Variants in IHO1 observed in about 807,000 individuals in gnomAD.
The protein encoded by IHO1 is interactor of HORMAD1 protein 1.
In IHO1, 13 loss-of-function variants were observed where a neutral mutation model predicts 31.0. The ratio of observed to expected loss-of-function variants is 0.42; its 90% CI spans 0.27 to 0.67. IHO1 has a LOEUF of 0.67. IHO1 is among the 30% of genes least tolerant of loss of function. The pLI is 0.24. For missense variants in IHO1, 599 were observed against 687.5 expected (o/e 0.87, Z 1.44); for synonymous variants, 221 against 248.4 (o/e 0.89, Z 1.04).
At chr3:49,220,031 C>T (rs1318558537) in intron 2 of IHO1, among the ~76,000 whole-genome samples, 1 of 152,174 alleles carries the variant, frequency 6.6e-6, no homozygotes, top group Middle Eastern at 3.2e-3. Context: ...CCGGAGGACA[C>T]TGGGTGAAAA....
intron 2 of IHO1, among the ~76,000 whole-genome samples, 190 bp downstream of exon 2, chr3:49,212,026 T>C (rs1479771516): frequency 6.6e-6 from 1 of 151,954 alleles, no homozygotes; most frequent in African/African-American, 2.4e-5. Flanking sequence ...TAGCCGGGCA[T>C]GGTGGCGGGT....
intron 2 of IHO1, among the ~76,000 whole-genome samples, chr3:49,223,306 G>A (rs543996667): frequency 3.3e-5 from 5 of 152,064 alleles, no homozygotes; most frequent in East Asian, 3.9e-4. Context: ...TTGCTTTCTC[G>A]ACCTTCCCTG....
upstream of IHO1, among the ~76,000 whole-genome samples, chr3:49,194,019 C>T (rs2045981728): frequency 6.7e-6 from 1 of 150,174 alleles, no homozygotes; most frequent in Non-Finnish European, 1.5e-5. Flanking sequence ...TCTGTAGCCC[C>T]AGCACTTTGG....
At chr3:49,225,165 A>T (rs1289157330) in intron 2 of IHO1, among the ~76,000 whole-genome samples, 1 of 152,166 alleles carries the variant, frequency 6.6e-6, no homozygotes, top group African/African-American at 2.4e-5. Context: ...TCTCTCTGTG[A>T]TGTATAAAGA....
chr3:49,216,212 C>T (rs989297166), intron 2 of IHO1, among the ~76,000 whole-genome samples: 2 of 152,050 alleles, frequency 1.3e-5, no homozygotes, highest in Non-Finnish European at 2.9e-5. Context: ...TTCCACAGAC[C>T]AGGATACGGA....
chr3:49,246,553 CAGG>C (rs1313630993), intron 6 of IHO1, among the ~76,000 whole-genome samples: 1 of 152,028 alleles, frequency 6.6e-6, no homozygotes, highest in Non-Finnish European at 1.5e-5. Context: ...GAGGCTGAGG[CAGG>C]AGAATCGCTT....
chr3:49,209,494 G>A (rs1575565439), intron 1 of IHO1, among the ~76,000 whole-genome samples: 2 of 151,906 alleles, frequency 1.3e-5, no homozygotes, highest in East Asian at 4.0e-4. Context: ...AAATTAGCCA[G>A]GAGTGACAGC....
At chr3:49,199,289 C>A (rs1248974340), upstream of IHO1, among the ~76,000 whole-genome samples, 1 of 152,216 alleles carries the variant, frequency 6.6e-6, no homozygotes, top group Non-Finnish European at 1.5e-5. Context: ...CGGTTAAAAC[C>A]GTTAGCTGCC....
chr3:49,233,028 A>G (rs2046501964), intron 2 of IHO1, among the ~76,000 whole-genome samples: 1 of 152,130 alleles, frequency 6.6e-6, no homozygotes, highest in Non-Finnish European at 1.5e-5. Context: ...AGAAATAATG[A>G]ATGTACTTGT....
chr3:49,210,531 G>A (rs2046197082), intron 1 of IHO1, among the ~76,000 whole-genome samples: 1 of 151,490 alleles, frequency 6.6e-6, no homozygotes, highest in Middle Eastern at 3.2e-3. Context: ...TGAGTAGCTG[G>A]GATTACAGGC....
chr3:49,250,000 A>G (rs998115698), intron 6 of IHO1, among the ~76,000 whole-genome samples: 8 of 152,258 alleles, frequency 5.3e-5, no homozygotes, highest in African/African-American at 1.9e-4. Flanking sequence ...CTTAACAGGA[A>G]AACAGATATT....
At chr3:49,201,112 G>A (rs2107676620) in intron 1 of IHO1, among the ~76,000 whole-genome samples, 1 of 151,872 alleles carries the variant, frequency 6.6e-6, no homozygotes, top group East Asian at 2.0e-4. Flanking sequence ...TCCTGCCTCA[G>A]CCTCCCAAGT....
intron 6 of IHO1, among the ~76,000 whole-genome samples, chr3:49,249,745 A>C (rs1366504386): frequency 6.6e-6 from 1 of 152,242 alleles, no homozygotes; most frequent in Non-Finnish European, 1.5e-5. Context: ...ATCTTGTTGG[A>C]AAGTGTGACC....
At chr3:49,229,974 G>C (rs151035501) in intron 2 of IHO1, among the ~76,000 whole-genome samples, 466 of 152,290 alleles carry the variant, frequency 3.1e-3, no homozygotes, top group African/African-American at 0.01. Flanking sequence ...TATGGGACTA[G>C]GAGAAAATTT....
chr3:49,212,515 C>CA (rs1201035345), intron 2 of IHO1, among the ~76,000 whole-genome samples: 1,617 of 75,018 alleles, frequency 0.022, 12 homozygotes, highest in Middle Eastern at 0.091. Context: ...GACTCAATCT[C>CA]AAAAAAAAAA....
intron 1 of IHO1, among the ~76,000 whole-genome samples, chr3:49,202,546 T>TGTGTGTGTGTG (rs2046083019): frequency 7.1e-6 from 1 of 141,706 alleles, no homozygotes; most frequent in Non-Finnish European, 1.5e-5. Context: ...TGTGTGTGTG[T>TGTGTGTGTGTG]TTCATATTTT....
intron 2 of IHO1, among the ~76,000 whole-genome samples, chr3:49,218,541 C>T (rs1297481441): frequency 2.0e-5 from 3 of 151,802 alleles, no homozygotes; most frequent in Admixed American, 6.6e-5. Flanking sequence ...GCCACCACAC[C>T]CGGCTAATTT....
intron 6 of IHO1, among the ~76,000 whole-genome samples, chr3:49,247,765 G>GAC (rs1173567280): frequency 3.3e-5 from 5 of 151,612 alleles, no homozygotes; most frequent in East Asian, 3.9e-4. Context: ...CTCCAGCCTG[G>GAC]GAGCTAGAGC....
At chr3:49,230,583 A>G (rs1249663400) in intron 2 of IHO1, among the ~76,000 whole-genome samples, 1 of 152,208 alleles carries the variant, frequency 6.6e-6, no homozygotes, top group African/African-American at 2.4e-5. Context: ...TACATTATTC[A>G]TTATATGGAT....
Sources: allele counts gnomAD v4.1 joint callset (sites outside exome capture counted in the v4.1 genomes callset), GRCh38; gene constraint gnomAD v4.1.1; transcripts MANE v1.5; gene names NCBI Gene and HGNC (gene_info 2026-07-23, HGNC 2026-07-21).